NELL1: variants seen among roughly 807,000 people sequenced by gnomAD.
NELL1 encodes the protein neural EGFL like 1, also known as protein kinase C-binding protein NELL1.
A neutral mutation model predicts 107.4 loss-of-function variants in NELL1; 76 were observed. That is an observed-to-expected ratio of 0.71 (90% CI 0.59 to 0.86). NELL1 has a LOEUF of 0.86. Ranked by LOEUF, NELL1 falls within the 40% of genes least tolerant of loss-of-function variation. NELL1 has a pLI of 0.00. For synonymous variants in NELL1, 353 were observed against 341.2 expected (o/e 1.03, Z -0.38); for missense variants, 1,024 against 1,005.5 (o/e 1.02, Z -0.25).
chr11:20,841,017 T>G (rs987848117), intron 3 of NELL1, among the ~76,000 whole-genome samples: 41 of 152,232 alleles, frequency 2.7e-4, no homozygotes, highest in Admixed American at 5.9e-4. Flanking sequence ...TTGCCTTTCT[T>G]CGGTTTCATG....
intron 2 of NELL1, among the ~76,000 whole-genome samples, chr11:20,755,543 T>TTTTTTATTTTTTTTA (rs1564894955): frequency 1.3e-4 from 5 of 39,318 alleles, no homozygotes; most frequent in African/African-American, 4.1e-4. Flanking sequence ...GGTTTTTGTT[T>TTTTTTATTTTTTTTA]TTTTTTGTTT....
chr11:21,099,916 G>T (rs1043181644), intron 12 of NELL1, among the ~76,000 whole-genome samples: 1 of 151,968 alleles, frequency 6.6e-6, no homozygotes, highest in African/African-American at 2.4e-5. Flanking sequence ...CACATACTAG[G>T]CAATTTACCC....
chr11:21,528,976 A>G (rs1461411728), intron 15 of NELL1, among the ~76,000 whole-genome samples: 1 of 152,042 alleles, frequency 6.6e-6, no homozygotes, highest in Non-Finnish European at 1.5e-5. Context: ...TAACCTGAGC[A>G]CAGTCTTTTC....
rs1857950068 is a variant in NELL1 at position 20,829,182 on chromosome 11, TA to T, written c.336-18397del. On this transcript the variant is annotated intron_variant, in intron 3 of 19. Coordinates refer to ENST00000357134, the MANE Select transcript of NELL1 (RefSeq NM_006157.5). ...ATATTAACATCTTACGTAACCATGA[TA>T]AAATTATGAAAATCAGGAAATTGAC... Among the ~76,000 whole-genome samples, 3 of 151,612 alleles carry T rather than the reference TA, an allele frequency of 2.0e-5. No homozygotes were observed. The South Asian group carries it at 6.2e-4, about 32-fold the overall frequency.
chr11:21,422,266 T>C (rs1055259995), intron 15 of NELL1, among the ~76,000 whole-genome samples: 3 of 152,134 alleles, frequency 2.0e-5, no homozygotes, highest in African/African-American at 4.8e-5. Context: ...TAGAATGTAA[T>C]GCAAAACTCC....
chr11:21,170,134 C>T (rs1856572215), intron 13 of NELL1: 2 of 687,172 alleles, frequency 2.9e-6, no homozygotes, highest in East Asian at 2.6e-5. Flanking sequence ...CCACTTTGTT[C>T]CATGACTCCT....
intron 14 of NELL1, among the ~76,000 whole-genome samples, chr11:21,350,186 C>G (rs1007959253): frequency 2.0e-5 from 3 of 152,148 alleles, no homozygotes; most frequent in South Asian, 2.1e-4. Context: ...CTCATGCTCA[C>G]TGCTTTGATA....
intron 15 of NELL1, among the ~76,000 whole-genome samples, chr11:21,459,069 C>A (rs188828685): frequency 3.9e-4 from 60 of 152,128 alleles, no homozygotes; most frequent in Middle Eastern, 3.4e-3. Flanking sequence ...GAGATTCATA[C>A]CCAATTCACA....
At chr11:21,550,055 C>G (rs1427711407) in intron 16 of NELL1, among the ~76,000 whole-genome samples, 1 of 151,788 alleles carries the variant, frequency 6.6e-6, no homozygotes, top group East Asian at 2.0e-4. Flanking sequence ...CTCAACTCCT[C>G]CACAGAGACT....
intron 15 of NELL1, among the ~76,000 whole-genome samples, chr11:21,503,081 A>G (rs1356710624): frequency 3.9e-5 from 6 of 152,076 alleles, no homozygotes; most frequent in African/African-American, 9.7e-5. Context: ...GGGTTTCTCC[A>G]TGTTGGTCAG....
chr11:21,172,023 G>A (rs1856617584), intron 13 of NELL1, among the ~76,000 whole-genome samples: 1 of 151,620 alleles, frequency 6.6e-6, no homozygotes, highest in Non-Finnish European at 1.5e-5. Flanking sequence ...ATGATTATCT[G>A]GTTTTCAAAG....
At chr11:21,550,908 T>C (rs1212928246) in intron 16 of NELL1, among the ~76,000 whole-genome samples, 4 of 151,680 alleles carry the variant, frequency 2.6e-5, no homozygotes, top group East Asian at 1.9e-4. Context: ...GGGGATGGCA[T>C]TGAATCTATA....
At chr11:21,566,667 G>T (rs114490285) in intron 17 of NELL1, among the ~76,000 whole-genome samples, 3,853 of 151,830 alleles carry the variant, frequency 0.025, 164 homozygotes, top group African/African-American at 0.087. Flanking sequence ...TCAAGCTCTG[G>T]AAACAGCCTC....
chr11:20,701,790 G>A (rs1204745992), intron 2 of NELL1, among the ~76,000 whole-genome samples: 1 of 152,134 alleles, frequency 6.6e-6, no homozygotes, highest in South Asian at 2.1e-4. Context: ...GCTTGTTTTT[G>A]TCAGGTTTGT....
chr11:20,955,314 G>A (rs1030313933), intron 11 of NELL1, among the ~76,000 whole-genome samples: 4 of 152,214 alleles, frequency 2.6e-5, no homozygotes, highest in Non-Finnish European at 5.9e-5. Context: ...GAGGCTGGAT[G>A]TAACTCATCT....
chr11:21,288,373 A>G (rs1849174737), intron 14 of NELL1, among the ~76,000 whole-genome samples: 1 of 152,184 alleles, frequency 6.6e-6, no homozygotes, highest in South Asian at 2.1e-4. Context: ...GGATAATTTC[A>G]TCTTAGCCTT....
intron 3 of NELL1, among the ~76,000 whole-genome samples, chr11:20,808,581 G>A (rs1176392441): frequency 6.6e-6 from 1 of 152,196 alleles, no homozygotes; most frequent in African/African-American, 2.4e-5. Flanking sequence ...ACAGTATTAG[G>A]ACTTGCCTAC....
chr11:20,732,413 T>A (rs547504562), intron 2 of NELL1, among the ~76,000 whole-genome samples: 1 of 152,230 alleles, frequency 6.6e-6, no homozygotes, highest in South Asian at 2.1e-4. Context: ...TAGTTTGGGG[T>A]CCTACTGTTG....
At chr11:21,078,157 A>T (rs1854185567) in intron 12 of NELL1, among the ~76,000 whole-genome samples, 1 of 152,150 alleles carries the variant, frequency 6.6e-6, no homozygotes, top group Non-Finnish European at 1.5e-5. Flanking sequence ...AATCTAGTGC[A>T]TCCCAGAGCT....
Sources: allele counts gnomAD v4.1 joint callset (sites outside exome capture counted in the v4.1 genomes callset), GRCh38; gene constraint gnomAD v4.1.1; transcripts MANE v1.5; gene names NCBI Gene and HGNC (gene_info 2026-07-23, HGNC 2026-07-21).